SH2D2A: variants seen among roughly 807,000 people sequenced by gnomAD.
The protein encoded by SH2D2A is SH2 domain containing 2A.
SH2D2A carries 33 observed loss-of-function variants against 43.6 expected under a neutral mutation model. The ratio of observed to expected loss-of-function variants is 0.76; its 90% CI spans 0.57 to 1.01. SH2D2A has a LOEUF of 1.01. Among genes scored for constraint, SH2D2A ranks in the 50% least tolerant of loss-of-function variants. The probability of loss-of-function intolerance (pLI) is 0.00; values close to 1 mark genes in which losing one functional copy is unlikely to be tolerated. For synonymous variants in SH2D2A, 212 were observed against 206.1 expected, an observed-to-expected ratio of 1.03 and a Z score of -0.25; for missense variants, 491 against 503.1, an observed-to-expected ratio of 0.98 and a Z score of 0.23.
chr1:156,810,545 A>C (rs1668423832), intron 5 of SH2D2A, among the ~76,000 whole-genome samples: 1 of 148,524 alleles, frequency 6.7e-6, no homozygotes, highest in Admixed American at 6.7e-5. Flanking sequence ...TTTTGAGACC[A>C]AGTCTCATTC....
Position 156,809,823 on chromosome 1 carries a change from G to A in SH2D2A, c.568-16C>T, listed in dbSNP as rs1259377237. 4 of 1,613,460 alleles carry A rather than the reference G, an allele frequency of 2.5e-6. No individual in the cohort carries two copies. The highest frequency in any genetic ancestry group is 2.2e-5 in the East Asian group (1 of 44,868). The stretch of plus-strand genomic sequence containing the variant: ...GCTCAGGAGTCTGCTGGGAAAGAAG[G>A]AGGTCTGAGGCACTCGGTGGAGCGT... On this transcript the variant is annotated splice_polypyrimidine_tract_variant and intron_variant, in intron 5 of 8. Transcript: ENST00000368199. The surrounding 1 kb of genome is among the most constrained non-coding windows in gnomAD (Gnocchi z 4.8).
chr1:156,812,497 C>G (rs765872995), intron 5 of SH2D2A, among the ~76,000 whole-genome samples: 1 of 152,220 alleles, frequency 6.6e-6, no homozygotes, highest in Non-Finnish European at 1.5e-5. Context: ...TGCCTGCTGC[C>G]GAGAATGCTT....
chr1:156,812,551 C>T (rs1653492369), intron 5 of SH2D2A, among the ~76,000 whole-genome samples: 2 of 152,354 alleles, frequency 1.3e-5, no homozygotes, highest in South Asian at 4.1e-4. Context: ...TTCATACAGG[C>T]CTCTATTCAG....
chr1:156,809,709 C>T lies in SH2D2A; in HGVS notation c.666G>A (p.Gln222=). ...TCTGCATCGGGACTGGGGCTTGCCCCTGTTTGATGATTGGGCTGTACTGGG... is the reference window on the plus strand; with the variant it reads ...TCTGCATCGGGACTGGGGCTTGCCCTTGTTTGATGATTGGGCTGTACTGGG... ...PNPQYSPIIK[Q]GQAPVPMQKE... is the part of the protein sequence containing the mutation. Residue 222 remains glutamine, a synonymous_variant, in exon 6 of 9, where the codon CAG becomes CAA. Transcript: ENST00000368199. The surrounding 1 kb of genome is among the most constrained non-coding windows in gnomAD (Gnocchi z 4.8). The T allele has an allele frequency of 6.2e-7, 1 of 1,613,922 alleles. No individual in the cohort carries two copies. The highest frequency in any genetic ancestry group is 2.2e-5 in the East Asian group (1 of 44,880).
Position 156,816,674 on chromosome 1 carries a change from C to T in SH2D2A, c.34+1G>A, listed in dbSNP as rs1330378782. The T allele has an allele frequency of 6.2e-7, 1 of 1,602,006 alleles. No individual in the cohort carries two copies. Among genetic ancestry groups the T allele is most frequent in the South Asian group, 1.1e-5 (1 of 89,812 alleles). ...CCCATATCCTTCAACTTCACACTTACCTTGGGGACATATCTGGGCCAGGGG... is the reference window on the plus strand; with the variant it reads ...CCCATATCCTTCAACTTCACACTTATCTTGGGGACATATCTGGGCCAGGGG... On this transcript the variant is annotated splice_donor_variant, in intron 1 of 8. Transcript: ENST00000368199. LOFTEE classifies it high-confidence loss of function.
At chr1:156,808,465 G>T (rs570596886) in intron 7 of SH2D2A, among the ~76,000 whole-genome samples, 1 of 152,146 alleles carries the variant, frequency 6.6e-6, no homozygotes, top group Non-Finnish European at 1.5e-5. Flanking sequence ...GACAGCAGAC[G>T]TTGGCAGGGG....
Position 156,809,815 on chromosome 1 carries a change from G to C in SH2D2A, c.568-8C>G, listed in dbSNP as rs1185278016. On this transcript the variant is annotated splice_polypyrimidine_tract_variant and splice_region_variant and intron_variant, in intron 5 of 8. Transcript: ENST00000368199. The surrounding 1 kb of genome is among the most constrained non-coding windows in gnomAD (Gnocchi z 4.8). Reference sequence around the variant, plus strand: ...TCCTGCAGGCTCAGGAGTCTGCTGGGAAAGAAGGAGGTCTGAGGCACTCGG... The same window carrying C: ...TCCTGCAGGCTCAGGAGTCTGCTGGCAAAGAAGGAGGTCTGAGGCACTCGG... 6.2e-7 allele frequency: 1 copy of C among 1,613,680 alleles called. No homozygotes were observed. Among genetic ancestry groups the C allele is most frequent in the Non-Finnish European group, 8.5e-7 (1 of 1,179,920 alleles).
chr1:156,809,858 G>C lies in SH2D2A; in HGVS notation c.568-51C>G. The C allele has an allele frequency of 6.2e-7, 1 of 1,601,482 alleles. No homozygotes were observed. Among genetic ancestry groups the C allele is most frequent in the Middle Eastern group, 1.7e-4 (1 of 6,000 alleles). The stretch of plus-strand genomic sequence containing the variant: ...GCACTCGGTGGAGCGTTGGGGTGGG[G>C]GAGGTGATCAGGAGGACAAAATAAT... On this transcript the variant is annotated intron_variant, in intron 5 of 8. Coordinates refer to ENST00000368199, the MANE Select transcript of SH2D2A (RefSeq NM_003975.4). This position sits in a 1 kb window ranked among gnomAD's most constrained non-coding sequence, Gnocchi z 4.8.
chr1:156,815,629 A>C, intron 2 of SH2D2A: 1 of 687,806 alleles, frequency 1.5e-6, no homozygotes, highest in Admixed American at 2.1e-5. Flanking sequence ...GGACTGACCT[A>C]GTTCGCAGGG....
At chr1:156,811,185 T>G (rs1174441725) in intron 5 of SH2D2A, among the ~76,000 whole-genome samples, 1 of 152,186 alleles carries the variant, frequency 6.6e-6, no homozygotes, top group African/African-American at 2.4e-5. Flanking sequence ...CTCCTCCCTC[T>G]TGACATGAAA....
In SH2D2A at chr1:156,809,283, C is replaced by T; in HGVS notation, c.922G>A (p.Val308Met). Residue 308 changes from valine to methionine, a missense_variant, in exon 7 of 9, where the codon GTG becomes ATG. By Grantham distance (21) the Val-to-Met change is conservative. Transcript: ENST00000368199. The surrounding 1 kb of genome is among the most constrained non-coding windows in gnomAD (Gnocchi z 4.8). ...GEAPSNIYVE[V>M]EDEGLPATLG... ...GTGGCGGGTAGGCCCTCATCTTCCA[C>T]TTCCACATAGATGTTGCTGGGGGCT... 1 of 1,614,166 alleles carries T rather than the reference C, an allele frequency of 6.2e-7. No individual in the cohort carries two copies. The highest frequency in any genetic ancestry group is 8.5e-7 in the Non-Finnish European group (1 of 1,180,002).
In SH2D2A at chr1:156,807,196, G is replaced by A; in HGVS notation, c.1152C>T (p.Pro384=). 1 of 1,612,858 alleles carries A rather than the reference G, an allele frequency of 6.2e-7. No homozygotes were observed. The highest frequency in any genetic ancestry group is 1.3e-5 in the African/African-American group (1 of 74,928). The part of the protein sequence containing the change: ...VLQDRGQAWL[P]LGPPQ ...TTACCGCCTACTGAGGAGGCCCAAG[G>A]GGAAGCCATGCCTGTCCTCTGTCCT... The change falls in exon 8 of 9, where the codon CCC becomes CCT. Residue 384 remains proline, a synonymous_variant. Transcript: ENST00000368199. The surrounding 1 kb of genome is among the most constrained non-coding windows in gnomAD (Gnocchi z 5.1).
chr1:156,812,497 C>A (rs765872995), intron 5 of SH2D2A, among the ~76,000 whole-genome samples: 1 of 152,220 alleles, frequency 6.6e-6, no homozygotes, highest in Non-Finnish European at 1.5e-5. Flanking sequence ...TGCCTGCTGC[C>A]GAGAATGCTT....
rs763854123 is a variant in SH2D2A at position 156,814,275 on chromosome 1, C to A, written c.328G>T (p.Glu110Ter). ...AAGTAGCACCCCTGAGGCTTGGGCT[C>A]CAGCAGCCTCTCTGCCTCCCTGTGG... The part of the protein sequence containing the change: ...ITRREAERLL[E>*]PKPQGCYLVR... Residue 110 changes from glutamate (E) to a stop codon, truncating the protein, a stop_gained, in exon 4 of 9, where the codon GAG becomes TAG. Coordinates refer to ENST00000368199, the MANE Select transcript of SH2D2A (RefSeq NM_003975.4). LOFTEE classifies it high-confidence loss of function. 6.2e-7 allele frequency: 1 copy of A among 1,613,386 alleles called. No homozygotes were observed. The highest frequency in any genetic ancestry group is 1.7e-5 in the Admixed American group (1 of 60,012).
At chr1:156,816,610 G>A (rs1653961344) in intron 1 of SH2D2A, 65 bp downstream of exon 1, 2 of 1,528,868 alleles carry the variant, frequency 1.3e-6, no homozygotes, top group Middle Eastern at 1.7e-4. Context: ...AAGCCCAGGA[G>A]GGAGGGCAGG....
chr1:156,809,959 G>A lies in SH2D2A; in HGVS notation c.568-152C>T, dbSNP rs1481707375. On this transcript the variant is annotated intron_variant, in intron 5 of 8. Transcript: ENST00000368199. This position sits in a 1 kb window ranked among gnomAD's most constrained non-coding sequence, Gnocchi z 4.8. ...TGGGCTGGGTTCCCTGGATGAGGAAGAGGGGGTGGTGACGGCAGGGAGACC... is the reference window on the plus strand; with the variant it reads ...TGGGCTGGGTTCCCTGGATGAGGAAAAGGGGGTGGTGACGGCAGGGAGACC... The A allele has an allele frequency of 1.3e-6, 1 of 763,048 alleles. No individual in the cohort carries two copies. Among genetic ancestry groups the A allele is most frequent in the African/African-American group, 1.8e-5 (1 of 56,574 alleles). The allele number at this position is 763,048 out of a possible 1,614,324, so 47.3% of individuals were successfully genotyped here.
In SH2D2A at chr1:156,809,131, C is replaced by G. The variant is rs1001142358; in HGVS notation, c.1002+72G>C. 2.6e-5 allele frequency: 39 copies of G among 1,496,506 alleles called. No homozygotes were observed. Among genetic ancestry groups the G allele is most frequent in the Non-Finnish European group, 3.4e-5 (37 of 1,100,842 alleles). The allele number at this position is 1,496,506 out of a possible 1,614,324, so 92.7% of individuals were successfully genotyped here. ...CTGCCCCAGGCATCCACTCTGAACACCTTCTTCACCTTCCCCCATCTACCT... is the reference window on the plus strand; with the variant it reads ...CTGCCCCAGGCATCCACTCTGAACAGCTTCTTCACCTTCCCCCATCTACCT... On this transcript the variant is annotated intron_variant, in intron 7 of 8. Transcript: ENST00000368199. This position sits in a 1 kb window ranked among gnomAD's most constrained non-coding sequence, Gnocchi z 4.8.
At chr1:156,811,765 G>A (rs1653436973) in intron 5 of SH2D2A, among the ~76,000 whole-genome samples, 1 of 152,106 alleles carries the variant, frequency 6.6e-6, no homozygotes, top group Admixed American at 6.5e-5. Flanking sequence ...CTCTTTCTGA[G>A]CGCTCTGCTC....
Position 156,814,210 on chromosome 1 carries a change from A to T in SH2D2A, c.393T>A (p.Thr131=), listed in dbSNP as rs1653661233. The T allele has an allele frequency of 6.2e-7, 1 of 1,613,666 alleles. No homozygotes were observed. Among genetic ancestry groups the T allele is most frequent in the Non-Finnish European group, 8.5e-7 (1 of 1,179,898 alleles). Residue 131 remains threonine (T), a synonymous_variant, in exon 4 of 9, where the codon ACT becomes ACA. Coordinates refer to ENST00000368199, the MANE Select transcript of SH2D2A (RefSeq NM_003975.4). The stretch of plus-strand genomic sequence containing the variant: ...CGCGGGGCCTCGCCCCTCACCTGTA[A>T]GTCAGCACGAAGGTCACCGCGCTCT... ...FSESAVTFVL[T]YRSRTCCRHF... is the part of the protein sequence containing the mutation.
Sources: gnomAD v4.1 joint callset for allele counts (sites outside exome capture counted in the v4.1 genomes callset) on GRCh38, gnomAD v4.1.1 for gene constraint, Gnocchi (gnomAD v3.1) non-coding constraint, MANE v1.5 for transcripts, NCBI Gene and HGNC (gene_info 2026-07-23, HGNC 2026-07-21) for gene names.